The following EML1 variants were observed in gnomAD, a reference collection of about 807,000 sequenced individuals.
EML1 encodes the protein echinoderm microtubule-associated protein-like 1.
In EML1, 27 loss-of-function variants were observed where a neutral mutation model predicts 110.4. The observed-to-expected ratio is 0.24, with a 90% confidence interval of 0.18 to 0.34. EML1 has a LOEUF of 0.34. EML1 is among the 10% of genes least tolerant of loss of function. EML1 has a pLI of 1.00. For missense variants in EML1, 741 were observed against 1,030.9 expected, an observed-to-expected ratio of 0.72 and a Z score of 3.85; for synonymous variants, 344 against 385.8, an observed-to-expected ratio of 0.89 and a Z score of 1.27.
intron 3 of EML1, 32 bp from the exon 4 acceptor site, chr14:99,878,453 G>A (rs2059330328): frequency 1.3e-6 from 2 of 1,587,570 alleles, no homozygotes; most frequent in South Asian, 2.3e-5. Context: ...ACGATATTAA[G>A]GAGTTCACTG....
chr14:99,828,586 G>A (rs1050122682), intron 1 of EML1, among the ~76,000 whole-genome samples: 5 of 151,902 alleles, frequency 3.3e-5, no homozygotes. Flanking sequence ...CATCATCATA[G>A]GTCACCATAG....
intron 7 of EML1, 63 bp from the exon 8 acceptor site, chr14:99,898,170 G>A: frequency 2.1e-6 from 3 of 1,395,764 alleles, no homozygotes; most frequent in Middle Eastern, 3.7e-4. Flanking sequence ...GATTATATTT[G>A]AGCAAGGGAA....
chr14:99,877,173 C>A (rs1248331553), intron 3 of EML1, among the ~76,000 whole-genome samples: 4 of 151,996 alleles, frequency 2.6e-5, no homozygotes, highest in Non-Finnish European at 1.5e-5. Context: ...AGGTTGCAGG[C>A]GGCCATCTTC....
Position 99,897,230 on chromosome 14 carries a change from G to T in EML1, c.763G>T (p.Val255Leu), listed in dbSNP as rs1208314885. ...CGTCTACTTCATCGCATCCGTGGTGGTGTTATACAACGTGGAGGAGCAACT... is the reference window on the plus strand; with the variant it reads ...CGTCTACTTCATCGCATCCGTGGTGTTGTTATACAACGTGGAGGAGCAACT... ...ETVYFIASVV[V>L]LYNVEEQLQR... Residue 255 changes from valine (V) to leucine (L), a missense_variant, in exon 7 of 22, where the codon GTG becomes TTG. Val to Leu is a conservative substitution (Grantham distance 32). Transcript: ENST00000262233. 2 of 1,613,164 alleles carry T rather than the reference G, an allele frequency of 1.2e-6. No homozygotes were observed.
At chr14:99,915,508 T>A (rs2060019891) in intron 15 of EML1, 1 of 151,254 alleles carries the variant, frequency 6.6e-6, no homozygotes. Flanking sequence ...TTTCCCCACG[T>A]GTATTACTTG....
chr14:99,908,858 CAT>C (rs1270759508), intron 10 of EML1, among the ~76,000 whole-genome samples: 1 of 152,210 alleles, frequency 6.6e-6, no homozygotes. Context: ...TTGTAAAATC[CAT>C]TCCAGGGCCC....
intron 1 of EML1, among the ~76,000 whole-genome samples, chr14:99,778,122 A>G (rs1046010003): frequency 6.6e-6 from 1 of 152,120 alleles, no homozygotes; most frequent in Non-Finnish European, 1.5e-5. Flanking sequence ...GCATTTTTTA[A>G]TCTGTTAATG....
Position 99,892,824 on chromosome 14 carries a change from G to A in EML1, c.547+1597G>A, listed in dbSNP as rs1319274376. On this transcript the variant is annotated intron_variant, in intron 5 of 21. Coordinates refer to ENST00000262233, the MANE Select transcript of EML1 (RefSeq NM_004434.3). ...GCATTTTTTATGTGTTGTGGAAATA[G>A]CATTATATTGTCTTTATTCCTAACC... Among the ~76,000 whole-genome samples, 6 of 152,304 alleles carry A rather than the reference G, an allele frequency of 3.9e-5. No individual in the cohort carries two copies. In the South Asian group the frequency reaches 8.3e-4, roughly 21 times the overall value.
At chr14:99,853,961 G>T (rs949969827) in intron 2 of EML1, among the ~76,000 whole-genome samples, 1 of 152,136 alleles carries the variant, frequency 6.6e-6, no homozygotes, top group South Asian at 2.1e-4. Context: ...ATGAGCCACC[G>T]CATCTGACCT....
intron 1 of EML1, among the ~76,000 whole-genome samples, chr14:99,818,611 A>G (rs1051640560): frequency 5.9e-5 from 9 of 152,178 alleles, no homozygotes; most frequent in African/African-American, 9.7e-5. Flanking sequence ...GCATCACTCT[A>G]TCTTCAGGCA....
At chr14:99,752,931 G>A (rs2057193202) in intron 1 of EML1, among the ~76,000 whole-genome samples, 1 of 152,112 alleles carries the variant, frequency 6.6e-6, no homozygotes, top group South Asian at 2.1e-4. Context: ...ACTATCCCAG[G>A]AAGCTGGAAG....
intron 1 of EML1, among the ~76,000 whole-genome samples, chr14:99,798,129 C>T (rs113043768): frequency 2.6e-5 from 4 of 152,084 alleles, no homozygotes; most frequent in African/African-American, 9.7e-5. Context: ...TCCTTGGGTC[C>T]GTAGAGAATA....
At chr14:99,927,635 G>C (rs1418441619) in intron 17 of EML1, among the ~76,000 whole-genome samples, 2 of 151,614 alleles carry the variant, frequency 1.3e-5, no homozygotes, top group African/African-American at 4.9e-5. Context: ...CTACAATTTT[G>C]GTACCCAGTG....
At chr14:99,806,316 C>CTTTTTTTTTTTTTTTTTTT (rs1198890041) in intron 1 of EML1, among the ~76,000 whole-genome samples, 1 of 87,752 alleles carries the variant, frequency 1.1e-5, no homozygotes, top group Non-Finnish European at 2.1e-5. Context: ...TCTCCAGAAT[C>CTTTTTTTTTTTTTTTTTTT]TTTTTTTTTT....
At chr14:99,775,616 C>A (rs943929617) in intron 1 of EML1, among the ~76,000 whole-genome samples, 1 of 152,182 alleles carries the variant, frequency 6.6e-6, no homozygotes, top group Non-Finnish European at 1.5e-5. Context: ...CTCTTCATGA[C>A]GGGCAGCAGG....
intron 1 of EML1, among the ~76,000 whole-genome samples, chr14:99,782,856 T>G (rs879286904): frequency 2.6e-5 from 4 of 152,162 alleles, no homozygotes; most frequent in Admixed American, 2.6e-4. Context: ...AAATCCAGGT[T>G]TCTGGCCATT....
At chr14:99,747,980 T>A (rs1404549357) in intron 1 of EML1, among the ~76,000 whole-genome samples, 1 of 152,218 alleles carries the variant, frequency 6.6e-6, no homozygotes, top group Non-Finnish European at 1.5e-5. Flanking sequence ...AGGGATGAGG[T>A]GCCCTAAAGA....
At chr14:99,813,215 A>G (rs2058110958) in intron 1 of EML1, among the ~76,000 whole-genome samples, 2 of 152,198 alleles carry the variant, frequency 1.3e-5, no homozygotes, top group Admixed American at 1.3e-4. Flanking sequence ...AGGGAGGAAC[A>G]GGGGACGGTC....
chr14:99,870,733 G>A (rs1439835578), intron 3 of EML1, among the ~76,000 whole-genome samples: 3 of 152,216 alleles, frequency 2.0e-5, no homozygotes, highest in African/African-American at 7.2e-5. Context: ...CAGCACATCT[G>A]TTGTAGCAAT....
Sources: gnomAD v4.1 joint callset for allele counts (sites outside exome capture counted in the v4.1 genomes callset) on GRCh38, gnomAD v4.1.1 for gene constraint, MANE v1.5 for transcripts, NCBI Gene and HGNC (gene_info 2026-07-23, HGNC 2026-07-21) for gene names.